NUFIP2: variants seen among roughly 807,000 people sequenced by gnomAD.
The protein encoded by NUFIP2 is nuclear FMR1 interacting protein 2, also known as FMR1-interacting protein NUFIP2.
In NUFIP2, 6 loss-of-function variants were observed where a neutral mutation model predicts 56.9. The ratio of observed to expected loss-of-function variants is 0.11; its 90% CI spans 0.06 to 0.21. The LOEUF is 0.21. NUFIP2 is among the 10% of genes least tolerant of loss of function. The pLI is 1.00. For missense variants in NUFIP2, 828 were observed against 826.8 expected (o/e 1.00, Z -0.02); for synonymous variants, 321 against 298.2 (o/e 1.08, Z -0.79).
intron 2 of NUFIP2, among the ~76,000 whole-genome samples, chr17:29,274,937 A>C (rs1304970104): frequency 6.6e-6 from 1 of 152,186 alleles, no homozygotes; most frequent in Non-Finnish European, 1.5e-5. Context: ...AGCAAGAAAG[A>C]AAAAGCAGGT....
At chr17:29,269,781 C>T (rs758471778) in intron 2 of NUFIP2, among the ~76,000 whole-genome samples, 1 of 151,960 alleles carries the variant, frequency 6.6e-6, no homozygotes, top group Non-Finnish European at 1.5e-5. Context: ...AGTACAGTGG[C>T]GCGATCTCAG....
At chr17:29,281,439 C>A (rs1019257742) in intron 2 of NUFIP2, among the ~76,000 whole-genome samples, 3 of 152,086 alleles carry the variant, frequency 2.0e-5, no homozygotes, top group African/African-American at 4.8e-5. Flanking sequence ...CTACAGTGAG[C>A]TATGACCACA....
intron 2 of NUFIP2, among the ~76,000 whole-genome samples, chr17:29,278,448 G>A (rs932203236): frequency 6.6e-5 from 10 of 151,758 alleles, no homozygotes; most frequent in East Asian, 1.9e-4. Context: ...GGGTTTCACC[G>A]TGTTAGCCAG....
At chr17:29,285,629 A>C (rs1472782967) in intron 2 of NUFIP2, among the ~76,000 whole-genome samples, 6 of 152,150 alleles carry the variant, frequency 3.9e-5, no homozygotes, top group Admixed American at 3.9e-4. Context: ...AAGCAAAGAC[A>C]AAAAAGCCAC....
In NUFIP2 at chr17:29,287,729, A is replaced by G. The variant is rs200113184; in HGVS notation, c.278-13T>C. On this transcript the variant is annotated splice_polypyrimidine_tract_variant and intron_variant, in intron 1 of 3. Coordinates refer to ENST00000225388, the MANE Select transcript of NUFIP2 (RefSeq NM_020772.3). ...AGTTCACCATAGCCTAGGGGAGGGG[A>G]AAAAAAGGATTAAAAAAAAAAATCA... 24 of 1,539,948 alleles carry G rather than the reference A, an allele frequency of 1.6e-5. No homozygotes were observed. In the African/African-American group the frequency reaches 2.7e-4, roughly 18 times the overall value.
chr17:29,277,640 G>C (rs923910063), intron 2 of NUFIP2, among the ~76,000 whole-genome samples: 1 of 152,048 alleles, frequency 6.6e-6, no homozygotes, highest in African/African-American at 2.4e-5. Context: ...TGCCATACTT[G>C]TGCCTATTCT....
At chr17:29,266,747 C>A (rs1278013372) in intron 3 of NUFIP2, among the ~76,000 whole-genome samples, 2 of 151,478 alleles carry the variant, frequency 1.3e-5, no homozygotes, top group Non-Finnish European at 3.0e-5. Flanking sequence ...GTCTTACTTT[C>A]ATAACCAGGA....
At chr17:29,291,365 T>C (rs2069212307) in intron 1 of NUFIP2, among the ~76,000 whole-genome samples, 3 of 152,214 alleles carry the variant, frequency 2.0e-5, no homozygotes. Flanking sequence ...TGTTCCTCTT[T>C]AGGTTTGTGA....
intron 2 of NUFIP2, among the ~76,000 whole-genome samples, chr17:29,273,442 G>A (rs544643523): frequency 3.9e-5 from 6 of 152,186 alleles, no homozygotes; most frequent in African/African-American, 1.4e-4. Flanking sequence ...AAAGTGCTGG[G>A]ACTACAGGCG....
At chr17:29,293,647 G>A (rs2069232424) in intron 1 of NUFIP2, 136 bp downstream of exon 1, 3 of 926,340 alleles carry the variant, frequency 3.2e-6, no homozygotes, top group East Asian at 2.8e-5. Flanking sequence ...TAGAATGAAA[G>A]GGGCATCCCC....
intron 2 of NUFIP2, among the ~76,000 whole-genome samples, chr17:29,284,567 G>C (rs1052067984): frequency 2.6e-5 from 4 of 151,770 alleles, no homozygotes; most frequent in Non-Finnish European, 5.9e-5. Context: ...TTAGCCAGGC[G>C]TGGTGGTGGG....
chr17:29,287,288 T>A lies in NUFIP2; in HGVS notation c.706A>T (p.Asn236Tyr). 5 of 1,614,204 alleles carry A rather than the reference T, an allele frequency of 3.1e-6. No individual in the cohort carries two copies. The highest frequency in any genetic ancestry group is 4.2e-6 in the Non-Finnish European group (5 of 1,180,038). Residue 236 changes from asparagine (N) to tyrosine (Y), a missense_variant, in exon 2 of 4, where the codon AAC (asparagine) becomes TAC (tyrosine). Physicochemically the swap from Asn to Tyr is moderately radical, Grantham distance 143 (BLOSUM62 -2). Coordinates refer to ENST00000225388, the MANE Select transcript of NUFIP2 (RefSeq NM_020772.3). ...ARRNSAKGCE[N>Y]LNIVQDKIMQ... The stretch of plus-strand genomic sequence containing the variant: ...ATTTTGTCCTGCACTATATTAAGGT[T>A]TTCACAACCCTTGGCACTATTGCGC...
intron 2 of NUFIP2, among the ~76,000 whole-genome samples, chr17:29,283,909 CCATTAAG>C (rs1243433909): frequency 1.3e-5 from 2 of 152,176 alleles, no homozygotes; most frequent in Admixed American, 1.3e-4. Context: ...TCCTAAACTT[CCATTAAG>C]CAATTCTACT....
intron 1 of NUFIP2, among the ~76,000 whole-genome samples, chr17:29,290,695 A>G (rs758324468): frequency 1.3e-5 from 2 of 151,814 alleles, no homozygotes; most frequent in Non-Finnish European, 2.9e-5. Flanking sequence ...AAAGAAAAGC[A>G]TAAAGTTCCT....
chr17:29,287,306 T>G lies in NUFIP2; in HGVS notation c.688A>C (p.Ser230Arg). The G allele has an allele frequency of 6.2e-7, 1 of 1,614,228 alleles. No individual in the cohort carries two copies. Among genetic ancestry groups the G allele is most frequent in the Non-Finnish European group, 8.5e-7 (1 of 1,180,038 alleles). Residue 230 changes from serine (S) to arginine (R), a missense_variant, in exon 2 of 4, where the codon AGT becomes CGT. Coordinates refer to ENST00000225388, the MANE Select transcript of NUFIP2 (RefSeq NM_020772.3). The part of the protein sequence containing the change: ...TPKKRKARRN[S>R]AKGCENLNIV... ...TTAAGGTTTTCACAACCCTTGGCACTATTGCGCCTAGCTTTCCTTTTTTTA... is the reference window on the plus strand; with the variant it reads ...TTAAGGTTTTCACAACCCTTGGCACGATTGCGCCTAGCTTTCCTTTTTTTA...
At chr17:29,273,340 T>G (rs1177546847) in intron 2 of NUFIP2, among the ~76,000 whole-genome samples, 1 of 151,486 alleles carries the variant, frequency 6.6e-6, no homozygotes, top group Non-Finnish European at 1.5e-5. Context: ...GCCCAGCCAA[T>G]TTTTGTATTT....
intron 2 of NUFIP2, among the ~76,000 whole-genome samples, chr17:29,284,054 T>C (rs1416887489): frequency 6.6e-6 from 1 of 152,232 alleles, no homozygotes; most frequent in Admixed American, 6.5e-5. Context: ...CAAATCACTT[T>C]GTTATTCATC....
chr17:29,285,198 G>T (rs1360594940), intron 2 of NUFIP2, among the ~76,000 whole-genome samples: 1 of 152,138 alleles, frequency 6.6e-6, no homozygotes, highest in East Asian at 1.9e-4. Flanking sequence ...TACTCGGGAG[G>T]CTGAGGCAGG....
rs780586415 is a variant in NUFIP2 at position 29,287,520 on chromosome 17, G to A, written c.474C>T (p.Asn158=). The change falls in exon 2 of 4, where the codon AAC becomes AAT. Residue 158 remains asparagine (N), a synonymous_variant. Transcript: ENST00000225388. The stretch of plus-strand genomic sequence containing the variant: ...ACTTCCCATTCTTTTTGTCCATACT[G>A]TTTTTCTGAATGAAATTCTTGGTTT... ...GIKTKNFIQK[N]SMDKKNGKSY... 6.2e-7 allele frequency: 1 copy of A among 1,613,830 alleles called. No homozygotes were observed. Among genetic ancestry groups the A allele is most frequent in the East Asian group, 2.2e-5 (1 of 44,890 alleles).
Sources: allele counts gnomAD v4.1 joint callset (sites outside exome capture counted in the v4.1 genomes callset), GRCh38; gene constraint gnomAD v4.1.1; transcripts MANE v1.5; gene names NCBI Gene and HGNC (gene_info 2026-07-23, HGNC 2026-07-21).